GALNT13: variants seen among roughly 807,000 people sequenced by gnomAD.
GALNT13 encodes the protein polypeptide N-acetylgalactosaminyltransferase 13.
Under a neutral mutation model 64.2 loss-of-function variants are expected in GALNT13, and 28 were observed. The observed-to-expected ratio is 0.44, with a 90% CI of 0.32 to 0.60. The LOEUF (loss-of-function observed/expected upper bound fraction) is 0.60, where lower values mean the gene tolerates loss of function less well. GALNT13 is among the 20% of genes least tolerant of loss of function. The pLI, the probability that GALNT13 is intolerant of heterozygous loss-of-function variation, is 0.05. For synonymous variants in GALNT13, 214 were observed against 224.6 expected (o/e 0.95, Z 0.42); for missense variants, 577 against 669.8 (o/e 0.86, Z 1.53).
intron 2 of GALNT13, among the ~76,000 whole-genome samples, chr2:153,935,045 G>A (rs1690804503): frequency 6.6e-6 from 1 of 152,136 alleles, no homozygotes; most frequent in Non-Finnish European, 1.5e-5. Flanking sequence ...TTCTCATACA[G>A]CATTTATATA....
chr2:153,899,993 T>G (rs1688131544), intron 1 of GALNT13, among the ~76,000 whole-genome samples: 1 of 145,182 alleles, frequency 6.9e-6, no homozygotes, highest in African/African-American at 2.5e-5. Context: ...TGGAGTGCAG[T>G]GGCACGATCT....
the GALNT13 span, among the ~76,000 whole-genome samples, chr2:153,856,439 A>G: frequency 6.6e-6 from 1 of 152,190 alleles, no homozygotes; most frequent in Non-Finnish European, 1.5e-5. Flanking sequence ...AAAAAACTGC[A>G]AACAACCAAC....
chr2:153,926,929 C>T (rs1690179929), intron 2 of GALNT13, among the ~76,000 whole-genome samples: 1 of 152,032 alleles, frequency 6.6e-6, no homozygotes, highest in Non-Finnish European at 1.5e-5. Context: ...AATGAAAATT[C>T]CCACATTTAC....
At chr2:154,064,467 G>T (rs1700355171) in intron 3 of GALNT13, among the ~76,000 whole-genome samples, 1 of 152,074 alleles carries the variant, frequency 6.6e-6, no homozygotes, top group Admixed American at 6.6e-5. Context: ...AGCTCTGACG[G>T]CTTATTTCTT....
chr2:153,968,992 C>T (rs999349759), intron 3 of GALNT13, among the ~76,000 whole-genome samples: 3 of 151,730 alleles, frequency 2.0e-5, no homozygotes, highest in African/African-American at 7.3e-5. Context: ...ATAATTTGAT[C>T]TGTATATATT....
the GALNT13 span, among the ~76,000 whole-genome samples, chr2:153,560,233 G>A: frequency 1.2e-3 from 175 of 152,020 alleles, no homozygotes; most frequent in African/African-American, 4.0e-3. Context: ...TTGTTTCTAG[G>A]CCTTTCCAAT....
chr2:153,727,551 A>T, the GALNT13 span, among the ~76,000 whole-genome samples: 1 of 152,174 alleles, frequency 6.6e-6, no homozygotes, highest in African/African-American at 2.4e-5. Flanking sequence ...GAGTCTTGTA[A>T]AGTGACTTTA....
intron 3 of GALNT13, among the ~76,000 whole-genome samples, chr2:154,136,919 G>A (rs1442147205): frequency 6.6e-6 from 1 of 151,376 alleles, no homozygotes; most frequent in Admixed American, 6.6e-5. Flanking sequence ...TTGCCTATTA[G>A]AGTAGATAAA....
intron 9 of GALNT13, among the ~76,000 whole-genome samples, chr2:154,392,425 T>C (rs1698839218): frequency 1.3e-5 from 2 of 152,210 alleles, no homozygotes; most frequent in South Asian, 4.1e-4. Flanking sequence ...GGTGTCTCAC[T>C]GTCCAGATGC....
chr2:153,833,081 C>T, the GALNT13 span, among the ~76,000 whole-genome samples: 10 of 152,250 alleles, frequency 6.6e-5, no homozygotes, highest in African/African-American at 2.4e-4. Context: ...CTGTCCCTCT[C>T]CATCTTGTTC....
intron 9 of GALNT13, among the ~76,000 whole-genome samples, chr2:154,317,255 G>A (rs1271400043): frequency 6.6e-6 from 1 of 151,514 alleles, no homozygotes; most frequent in Admixed American, 6.6e-5. Flanking sequence ...TTACTAAAAG[G>A]AGCTCTTATG....
chr2:153,324,859 T>G, the GALNT13 span, among the ~76,000 whole-genome samples: 1 of 152,228 alleles, frequency 6.6e-6, no homozygotes, highest in Non-Finnish European at 1.5e-5. Context: ...ATAAGCTTTT[T>G]GATGTGCTGC....
chr2:153,753,065 T>A, the GALNT13 span, among the ~76,000 whole-genome samples: 2 of 152,166 alleles, frequency 1.3e-5, no homozygotes, highest in African/African-American at 4.8e-5. Context: ...GCCAGTTGCA[T>A]TTTTTAGCTC....
intron 9 of GALNT13, among the ~76,000 whole-genome samples, chr2:154,307,181 T>A (rs1306962610): frequency 2.0e-5 from 3 of 152,112 alleles, no homozygotes; most frequent in Non-Finnish European, 4.4e-5. Flanking sequence ...TTCCTTTGGT[T>A]TACATATGTG....
At chr2:153,972,007 T>G (rs570548945) in intron 3 of GALNT13, among the ~76,000 whole-genome samples, 1 of 152,162 alleles carries the variant, frequency 6.6e-6, no homozygotes, top group Admixed American at 6.5e-5. Context: ...GAAATTTATG[T>G]GAAAATGAAG....
At chr2:153,748,164 T>G in the GALNT13 span, among the ~76,000 whole-genome samples, 1 of 152,158 alleles carries the variant, frequency 6.6e-6, no homozygotes, top group Non-Finnish European at 1.5e-5. Flanking sequence ...CTAAGGAACA[T>G]CTGGGTGGTT....
the GALNT13 span, among the ~76,000 whole-genome samples, chr2:153,496,464 GTTAC>G: frequency 2.0e-5 from 3 of 152,086 alleles, no homozygotes; most frequent in South Asian, 6.2e-4. Flanking sequence ...TTACATCAAA[GTTAC>G]TTACAAAAAG....
intron 9 of GALNT13, among the ~76,000 whole-genome samples, chr2:154,313,212 C>T (rs1053252979): frequency 9.4e-5 from 14 of 148,402 alleles, no homozygotes; most frequent in Middle Eastern, 3.5e-3. Context: ...TATGTGTATA[C>T]ATACACACAC....
the GALNT13 span, among the ~76,000 whole-genome samples, chr2:153,710,514 A>G: frequency 6.6e-6 from 1 of 152,112 alleles, no homozygotes; most frequent in African/African-American, 2.4e-5. Flanking sequence ...GTCGAGAACA[A>G]CTGGTGTAAG....
Sources: gnomAD v4.1 joint callset for allele counts (sites outside exome capture counted in the v4.1 genomes callset) on GRCh38, gnomAD v4.1.1 for gene constraint, MANE v1.5 for transcripts, NCBI Gene and HGNC (gene_info 2026-07-23, HGNC 2026-07-21) for gene names.